The following CTBS variants were observed in gnomAD, a reference collection of about 807,000 sequenced individuals.
The protein encoded by CTBS is di-N-acetylchitobiase.
CTBS carries 35 observed loss-of-function variants against 44.3 expected under a neutral mutation model. The ratio of observed to expected loss-of-function variants is 0.79; its 90% CI spans 0.60 to 1.05. The LOEUF (loss-of-function observed/expected upper bound fraction) is 1.05. Among genes scored for constraint, CTBS ranks in the 50% least tolerant of loss-of-function variants. The pLI is 0.00. For synonymous variants in CTBS, 143 were observed against 168.0 expected (o/e 0.85, Z 1.15); for missense variants, 458 against 475.3 (o/e 0.96, Z 0.34).
At chr1:84,561,872 CTACAG>C (rs1178891325) in intron 6 of CTBS, among the ~76,000 whole-genome samples, 1 of 152,138 alleles carries the variant, frequency 6.6e-6, no homozygotes, top group African/African-American at 2.4e-5. Context: ...ACTTAACAGA[CTACAG>C]TATAGTATAA....
rs772498807 is a variant in CTBS at position 84,565,992 on chromosome 1, C to T, written c.546G>A (p.Trp182Ter). The T allele has an allele frequency of 6.4e-7, 1 of 1,560,692 alleles. No homozygotes were observed. Among genetic ancestry groups the T allele is most frequent in the Non-Finnish European group, 8.7e-7 (1 of 1,154,578 alleles). ...EGSQVTFDVA[W>*]SPKNIDRRCY... ...ATCTTCTGTCTATGTTCTTTGGAGACCAAGCTACATCAAAGGTTACCTGTG... is the reference window on the plus strand; with the variant it reads ...ATCTTCTGTCTATGTTCTTTGGAGATCAAGCTACATCAAAGGTTACCTGTG... The change falls in exon 4 of 7, where the codon TGG becomes TGA. Residue 182 changes from tryptophan to a stop codon, truncating the protein, a stop_gained. Transcript: ENST00000370630. LOFTEE classifies it high-confidence loss of function.
chr1:84,560,097 AAAAG>A (rs59549626), intron 6 of CTBS, among the ~76,000 whole-genome samples: 47,148 of 113,428 alleles, frequency 0.42, 11,020 homozygotes, highest in East Asian at 0.64. Flanking sequence ...AAAAAAAAAA[AAAAG>A]AAAGAAAGAA....
intron 1 of CTBS, among the ~76,000 whole-genome samples, chr1:84,572,758 C>T (rs1482776717): frequency 6.6e-6 from 1 of 151,798 alleles, no homozygotes; most frequent in Non-Finnish European, 1.5e-5. Context: ...CTTCCGCCTC[C>T]CGCTCCGCCT....
intron 1 of CTBS, 67 bp from the exon 2 acceptor site, chr1:84,570,787 TTCA>T (rs1187833663): frequency 6.7e-6 from 10 of 1,484,454 alleles, no homozygotes; most frequent in Admixed American, 5.3e-5. Flanking sequence ...CAAAATACCG[TTCA>T]TCAAACATCA....
intron 3 of CTBS, 76 bp downstream of exon 3, chr1:84,569,855 T>C (rs1038236229): frequency 6.5e-6 from 8 of 1,229,282 alleles, no homozygotes; most frequent in Non-Finnish European, 9.3e-6. Context: ...AAAACAAAGA[T>C]TATATTAGTT....
chr1:84,562,457 A>T (rs1684613415), intron 6 of CTBS, among the ~76,000 whole-genome samples: 1 of 152,174 alleles, frequency 6.6e-6, no homozygotes, highest in Admixed American at 6.5e-5. Flanking sequence ...GTTTGCAGTC[A>T]TTTTTTTATA....
Position 84,552,983 on chromosome 1 carries a change from C to A in CTBS, c.*2016G>T. 8.3e-7 allele frequency: 1 copy of A among 1,204,044 alleles called. No individual in the cohort carries two copies. Among genetic ancestry groups the A allele is most frequent in the Non-Finnish European group, 1.2e-6 (1 of 859,262 alleles). The allele number at this position is 1,204,044 out of a possible 1,614,324, so 74.6% of individuals were successfully genotyped here. A position where few individuals can be genotyped will look rare whatever the true frequency, so the allele number is the denominator to read the frequency against. The stretch of plus-strand genomic sequence containing the variant: ...CTGTTTACATGACAACTATGATGTA[C>A]TTTTAGAAGGGTATGATGAAGTTCA... On this transcript the variant is annotated 3_prime_UTR_variant, in exon 7 of 7. Coordinates refer to ENST00000370630, the MANE Select transcript of CTBS (RefSeq NM_004388.3).
At position 84,555,048 on chromosome 1, in the gene CTBS, T is replaced by A. The variant is rs753705550; in HGVS notation, c.1109A>T (p.Gln370Leu). ...TAAGACTTCCCACATTTCTTCAGTT[T>A]GCTGTTTGGCTACAGCATCTCCAGA... ...DYSGDAVAKQ[Q>L]TEEMWEVLKP... The change falls in exon 7 of 7, where the codon CAA becomes CTA. Residue 370 changes from glutamine to leucine, a missense_variant. Transcript: ENST00000370630. 15 of 1,614,072 alleles carry A rather than the reference T, an allele frequency of 9.3e-6. No individual in the cohort carries two copies. Among genetic ancestry groups the A allele is most frequent in the Middle Eastern group, 3.3e-4 (2 of 6,060 alleles).
intron 1 of CTBS, among the ~76,000 whole-genome samples, chr1:84,572,956 C>A (rs1018781719): frequency 1.3e-5 from 2 of 152,070 alleles, no homozygotes; most frequent in African/African-American, 2.4e-5. Flanking sequence ...TTCTCAATCT[C>A]AAAAAGAGAT....
chr1:84,568,908 A>G (rs1384393656), intron 3 of CTBS, among the ~76,000 whole-genome samples: 1 of 152,104 alleles, frequency 6.6e-6, no homozygotes, highest in African/African-American at 2.4e-5. Context: ...AGATGTCAGC[A>G]TTATGCTTCC....
rs1008432560 is a variant in CTBS at position 84,557,537 on chromosome 1, AAAAAAAAAAAAAAAAAG to A, written c.958-2355_958-2339del. Among the ~76,000 whole-genome samples, 89 of 85,790 alleles carry A rather than the reference AAAAAAAAAAAAAAAAAG, an allele frequency of 1.0e-3. 1 individual carries two copies. The South Asian group carries it at 0.019, about 18-fold the overall frequency. The allele number at this position is 85,790 out of a possible 152,430, so 56.3% of individuals were successfully genotyped here. Reference sequence around the variant, plus strand: ...GAAAAGAACAAAACTCCATCTCAAAAAAAAAAAAAAAAAAAAGAAAAAAAAAAAAAGAAGGAGGCTGG... The same window carrying A: ...GAAAAGAACAAAACTCCATCTCAAAAAAAAAAAAAAAAAGAAGGAGGCTGG... On this transcript the variant is annotated intron_variant, in intron 6 of 6. Coordinates refer to ENST00000370630, the MANE Select transcript of CTBS (RefSeq NM_004388.3).
At chr1:84,561,880 T>C (rs1021914032) in intron 6 of CTBS, among the ~76,000 whole-genome samples, 4 of 152,234 alleles carry the variant, frequency 2.6e-5, no homozygotes, top group African/African-American at 9.6e-5. Flanking sequence ...GACTACAGTA[T>C]AGTATAAACA....
chr1:84,574,171 T>C (rs1221130415), intron 1 of CTBS, 68 bp downstream of exon 1: 4 of 1,561,848 alleles, frequency 2.6e-6, no homozygotes, highest in Non-Finnish European at 3.5e-6. Context: ...TCCTTAGGGC[T>C]CCGTTCTACC....
chr1:84,574,433 G>A lies in CTBS; in HGVS notation c.-18C>T. The A allele has an allele frequency of 6.6e-7, 1 of 1,511,240 alleles. No individual in the cohort carries two copies. The highest frequency in any genetic ancestry group is 1.3e-5 in the South Asian group (1 of 78,458). 93.6% of individuals were successfully genotyped at this position (1,511,240 alleles called of 1,614,324 possible). On this transcript the variant is annotated 5_prime_UTR_variant, in exon 1 of 7. Transcript: ENST00000370630. ...CGGGACATAGCAGCAGGTCTAGCGG[G>A]CCGGAGTGGGTTCCTACCGCCTGGG...
chr1:84,551,304 T>A lies in CTBS; in HGVS notation c.*3695A>T, dbSNP rs367944253. 11 of 974,942 alleles carry A rather than the reference T, an allele frequency of 1.1e-5. No homozygotes were observed. Among genetic ancestry groups the A allele is most frequent in the Middle Eastern group, 5.3e-4 (1 of 1,896 alleles). 60.4% of individuals were successfully genotyped at this position (974,942 alleles called of 1,614,324 possible). On this transcript the variant is annotated 3_prime_UTR_variant, in exon 7 of 7. Coordinates refer to ENST00000370630, the MANE Select transcript of CTBS (RefSeq NM_004388.3). ...ATAATGACTGCATTCTAGAATTAGC[T>A]CTTTTTAAAAAAATTTTAAAAAGAA...
At chr1:84,556,951 G>A (rs1684449417) in intron 6 of CTBS, among the ~76,000 whole-genome samples, 1 of 152,108 alleles carries the variant, frequency 6.6e-6, no homozygotes, top group African/African-American at 2.4e-5. Flanking sequence ...GATTATTGAA[G>A]ATTCAGGGGC....
chr1:84,574,123 C>A, intron 1 of CTBS, 116 bp downstream of exon 1: 1 of 1,510,834 alleles, frequency 6.6e-7, no homozygotes. Flanking sequence ...AGGCCCTCAT[C>A]GAGTGGTCAA....
chr1:84,550,929 C>T lies in CTBS; in HGVS notation c.*4070G>A, dbSNP rs948493685. ...TCGTTTCATTTTTTCTGGTTATTTT[C>T]ATATGTATTCTATTATTTAAATATG... On this transcript the variant is annotated 3_prime_UTR_variant, in exon 7 of 7. Transcript: ENST00000370630. 2.0e-6 allele frequency: 2 copies of T among 977,574 alleles called. No homozygotes were observed. The highest frequency in any genetic ancestry group is 3.5e-5 in the African/African-American group (2 of 56,998). The allele number at this position is 977,574 out of a possible 1,614,324, so 60.6% of individuals were successfully genotyped here.
intron 6 of CTBS, among the ~76,000 whole-genome samples, chr1:84,557,541 A>G (rs1684474020): frequency 7.3e-6 from 1 of 137,334 alleles, no homozygotes; most frequent in Non-Finnish European, 1.5e-5. Flanking sequence ...CTCAAAAAAA[A>G]AAAAAAAAAA....
Sources: gnomAD v4.1 joint callset for allele counts (sites outside exome capture counted in the v4.1 genomes callset) on GRCh38, gnomAD v4.1.1 for gene constraint, MANE v1.5 for transcripts, NCBI Gene and HGNC (gene_info 2026-07-23, HGNC 2026-07-21) for gene names.